The following TBL1XR1 variants were observed in gnomAD, a reference collection of about 807,000 sequenced individuals.
The protein encoded by TBL1XR1 is F-box-like/WD repeat-containing protein TBL1XR1.
TBL1XR1 carries 5 observed loss-of-function variants against 66.9 expected under a neutral mutation model. The observed-to-expected ratio is 0.07, with a 90% CI of 0.04 to 0.16. TBL1XR1 has a LOEUF of 0.16. Among genes scored for constraint, TBL1XR1 ranks in the 10% least tolerant of loss-of-function variants. The pLI is 1.00. For missense variants in TBL1XR1, 238 were observed against 623.2 expected, an observed-to-expected ratio of 0.38 and a Z score of 6.58; for synonymous variants, 210 against 206.0, an observed-to-expected ratio of 1.02 and a Z score of -0.17.
intron 1 of TBL1XR1, among the ~76,000 whole-genome samples, chr3:177,101,921 T>G (rs1347694898): frequency 6.6e-6 from 1 of 152,156 alleles, no homozygotes; most frequent in Non-Finnish European, 1.5e-5. Context: ...TAGAACCAAA[T>G]GAGGGTACAA....
In TBL1XR1 at chr3:177,058,357, T is replaced by A. The variant is rs114141033; in HGVS notation, c.59-4439A>T. 3.6e-3 allele frequency among the ~76,000 whole-genome samples: 551 copies of A among 152,312 alleles called. 2 individuals carry two copies. The highest frequency in any genetic ancestry group is 0.013 in the African/African-American group (524 of 41,570). ...AAAAAATGACACAGGGGATCTTTGT[T>A]ATTGAAGAGCTAGATCTAGTACTGA... On this transcript the variant is annotated intron_variant, in intron 3 of 15. Transcript: ENST00000457928.
At chr3:177,105,647 T>A (rs1724788066) in intron 1 of TBL1XR1, among the ~76,000 whole-genome samples, 1 of 152,322 alleles carries the variant, frequency 6.6e-6, no homozygotes, top group African/African-American at 2.4e-5. Flanking sequence ...AGACTGTCTT[T>A]GATTAGCTCT....
intron 7 of TBL1XR1, among the ~76,000 whole-genome samples, chr3:177,049,083 G>A (rs978495920): frequency 6.6e-6 from 1 of 152,126 alleles, no homozygotes; most frequent in Non-Finnish European, 1.5e-5. Context: ...AATTTTGGAA[G>A]AAAATGCTAA....
At chr3:177,187,977 T>G (rs1235190837) in intron 1 of TBL1XR1, among the ~76,000 whole-genome samples, 1 of 126,298 alleles carries the variant, frequency 7.9e-6, no homozygotes, top group African/African-American at 3.3e-5. Flanking sequence ...TGAGATGGAG[T>G]CTCGCTCTAT....
At chr3:177,168,254 T>G (rs907058095) in intron 1 of TBL1XR1, among the ~76,000 whole-genome samples, 2 of 151,266 alleles carry the variant, frequency 1.3e-5, no homozygotes, top group African/African-American at 4.9e-5. Flanking sequence ...TTAAAAAGAA[T>G]CAACATGGAA....
intron 1 of TBL1XR1, among the ~76,000 whole-genome samples, chr3:177,130,400 A>G (rs1728159155): frequency 6.6e-6 from 1 of 152,158 alleles, no homozygotes; most frequent in Non-Finnish European, 1.5e-5. Flanking sequence ...ACAAAACAAG[A>G]AACTCTTCAG....
intron 1 of TBL1XR1, among the ~76,000 whole-genome samples, chr3:177,181,599 G>A (rs978698114): frequency 9.9e-6 from 1 of 100,540 alleles, no homozygotes; most frequent in Admixed American, 9.7e-5. Context: ...CAGGAGAGGA[G>A]GAGGTCGGAA....
At chr3:177,139,454 G>C (rs1341143885) in intron 1 of TBL1XR1, among the ~76,000 whole-genome samples, 4 of 151,904 alleles carry the variant, frequency 2.6e-5, no homozygotes, top group East Asian at 3.9e-4. Context: ...AGAATCGCTT[G>C]AACTCAGGAA....
chr3:177,099,771 T>TA (rs1234388718), intron 1 of TBL1XR1, among the ~76,000 whole-genome samples: 1 of 152,260 alleles, frequency 6.6e-6, no homozygotes, highest in Admixed American at 6.5e-5. Flanking sequence ...GGTCATTTGT[T>TA]ATGAATGTCA....
intron 1 of TBL1XR1, among the ~76,000 whole-genome samples, chr3:177,190,377 G>A (rs887591771): frequency 2.0e-5 from 3 of 152,020 alleles, no homozygotes; most frequent in Admixed American, 6.6e-5. Flanking sequence ...GTGCAGTGGC[G>A]CAATCTCAGT....
chr3:177,154,957 A>G (rs1209627127), intron 1 of TBL1XR1, among the ~76,000 whole-genome samples: 1 of 152,200 alleles, frequency 6.6e-6, no homozygotes, highest in African/African-American at 2.4e-5. Flanking sequence ...GGCTACAAAG[A>G]AAAGTCCCAT....
intron 1 of TBL1XR1, among the ~76,000 whole-genome samples, chr3:177,148,629 C>T (rs1048405292): frequency 6.6e-6 from 1 of 151,964 alleles, no homozygotes; most frequent in African/African-American, 2.4e-5. Flanking sequence ...GCAGGAGAAT[C>T]ACTTGAACCC....
At chr3:177,061,363 T>G (rs1718494580) in intron 3 of TBL1XR1, among the ~76,000 whole-genome samples, 1 of 152,116 alleles carries the variant, frequency 6.6e-6, no homozygotes, top group South Asian at 2.1e-4. Flanking sequence ...TAAGTGATTT[T>G]CCCCCTGCAG....
At chr3:177,105,281 G>C (rs1724734312) in intron 1 of TBL1XR1, among the ~76,000 whole-genome samples, 1 of 152,052 alleles carries the variant, frequency 6.6e-6, no homozygotes, top group Admixed American at 6.6e-5. Flanking sequence ...CTGTTTTCTT[G>C]TTTACATAAA....
rs571431363 is a variant in TBL1XR1 at position 177,068,325 on chromosome 3, T to C, written c.-45-3303A>G. On this transcript the variant is annotated intron_variant, in intron 2 of 15. Coordinates refer to ENST00000457928, the MANE Select transcript of TBL1XR1 (RefSeq NM_024665.7). ...GCTTTTATTTAAAATTCCAATCACT[T>C]ATAGGCAATCAACTACTTAATTCAA... Among the ~76,000 whole-genome samples, 179 of 152,334 alleles carry C rather than the reference T, an allele frequency of 1.2e-3. 2 individuals are homozygous for C. The highest frequency in any genetic ancestry group is 4.2e-3 in the African/African-American group (173 of 41,580).
At chr3:177,072,028 T>C (rs1447753830) in intron 2 of TBL1XR1, among the ~76,000 whole-genome samples, 23 of 152,220 alleles carry the variant, frequency 1.5e-4, no homozygotes, top group Admixed American at 1.5e-3. Flanking sequence ...ACATTCCTTA[T>C]ATGTGCCCTA....
intron 1 of TBL1XR1, among the ~76,000 whole-genome samples, chr3:177,108,590 G>A (rs1033573704): frequency 4.6e-5 from 7 of 152,056 alleles, no homozygotes; most frequent in Non-Finnish European, 8.8e-5. Context: ...AGGCATTTTC[G>A]CACAGAAGTA....
At chr3:177,097,820 T>C (rs537575532) in intron 2 of TBL1XR1, among the ~76,000 whole-genome samples, 1 of 152,282 alleles carries the variant, frequency 6.6e-6, no homozygotes, top group South Asian at 2.1e-4. Context: ...ATTCACAAAA[T>C]TTAGTTCATT....
Position 177,020,680 on chromosome 3 carries a change from T to A in TBL1XR1, c.*4818A>T, listed in dbSNP as rs937888958. 2.0e-5 allele frequency: 3 copies of A among 152,168 alleles called. No individual in the cohort carries two copies. Among genetic ancestry groups the A allele is most frequent in the Non-Finnish European group, 4.4e-5 (3 of 68,004 alleles). 9.4% of individuals were successfully genotyped at this position (152,168 alleles called of 1,614,324 possible). On this transcript the variant is annotated 3_prime_UTR_variant, in exon 16 of 16. Transcript: ENST00000457928. The stretch of plus-strand genomic sequence containing the variant: ...GTAAACAAGAAATACCATCCCTCTC[T>A]CTTTACCTGACTAGTAAATAGTCTA...
Sources: gnomAD v4.1 joint callset for allele counts (sites outside exome capture counted in the v4.1 genomes callset) on GRCh38, gnomAD v4.1.1 for gene constraint, MANE v1.5 for transcripts, NCBI Gene and HGNC (gene_info 2026-07-23, HGNC 2026-07-21) for gene names.